ENPEP: variants seen among roughly 807,000 people sequenced by gnomAD.
ENPEP encodes the protein glutamyl aminopeptidase.
In ENPEP, 103 loss-of-function variants were observed where a neutral mutation model predicts 114.5. The ratio of observed to expected loss-of-function variants is 0.90; its 90% CI spans 0.77 to 1.06. The LOEUF (loss-of-function observed/expected upper bound fraction) is 1.06, where lower values mean the gene tolerates loss of function less well. Ranked by LOEUF, ENPEP falls within the 50% of genes least tolerant of loss-of-function variation. ENPEP has a pLI of 0.00. For synonymous variants in ENPEP, 420 were observed against 422.0 expected, an observed-to-expected ratio of 1.00 and a Z score of 0.06; for missense variants, 1,196 against 1,161.3, an observed-to-expected ratio of 1.03 and a Z score of -0.43.
chr4:110,478,322 A>G (rs1389142710), intron 1 of ENPEP, among the ~76,000 whole-genome samples: 1 of 152,190 alleles, frequency 6.6e-6, no homozygotes, highest in Non-Finnish European at 1.5e-5. Context: ...TATAGATCTT[A>G]TATCTTAATA....
intron 11 of ENPEP, among the ~76,000 whole-genome samples, chr4:110,536,339 A>G (rs781277515): frequency 3.3e-5 from 5 of 152,182 alleles, no homozygotes; most frequent in Non-Finnish European, 4.4e-5. Flanking sequence ...GCTCTCCACC[A>G]AATAATGACT....
At chr4:110,482,807 G>A (rs1042954672) in intron 1 of ENPEP, among the ~76,000 whole-genome samples, 5 of 152,240 alleles carry the variant, frequency 3.3e-5, no homozygotes, top group East Asian at 1.9e-4. Context: ...TCAGGAGTTC[G>A]AGAGCAGCCT....
At chr4:110,503,009 C>T (rs1161329056) in intron 3 of ENPEP, among the ~76,000 whole-genome samples, 1 of 152,078 alleles carries the variant, frequency 6.6e-6, no homozygotes, top group African/African-American at 2.4e-5. Context: ...CACCCATTAA[C>T]TCGTCATTTA....
At position 110,542,848 on chromosome 4, in the gene ENPEP, T is replaced by C. The variant is rs1272155976; in HGVS notation, c.1905T>C (p.Thr635=). The part of the protein sequence containing the change: ...GFYRVNYEVA[T]WDSIATALSL... ...ATCGTGTAAATTATGAAGTAGCAAC[T>C]TGGGACTCGATAGCTACAGCGCTCT... Residue 635 remains threonine, a synonymous_variant, in exon 12 of 20, where the codon ACT becomes ACC. Coordinates refer to ENST00000265162, the MANE Select transcript of ENPEP (RefSeq NM_001977.4). 2.5e-6 allele frequency: 4 copies of C among 1,613,218 alleles called. No individual in the cohort carries two copies. Among genetic ancestry groups the C allele is most frequent in the Admixed American group, 3.3e-5 (2 of 59,934 alleles).
At chr4:110,512,171 G>A (rs1725601027) in intron 6 of ENPEP, among the ~76,000 whole-genome samples, 1 of 152,178 alleles carries the variant, frequency 6.6e-6, no homozygotes, top group South Asian at 2.1e-4. Flanking sequence ...GTGGATGGAA[G>A]GGTCAGATAG....
chr4:110,496,687 T>C (rs1313631966), intron 3 of ENPEP, among the ~76,000 whole-genome samples: 1 of 152,244 alleles, frequency 6.6e-6, no homozygotes, highest in Non-Finnish European at 1.5e-5. Flanking sequence ...AGAGTACTGT[T>C]CAGGTATTTC....
At chr4:110,548,578 A>G (rs1451762057) in intron 14 of ENPEP, among the ~76,000 whole-genome samples, 7 of 152,088 alleles carry the variant, frequency 4.6e-5, no homozygotes, top group Admixed American at 4.6e-4. Context: ...AAGAAATACA[A>G]CAATTAATAT....
At chr4:110,480,133 C>T (rs1724255778) in intron 1 of ENPEP, among the ~76,000 whole-genome samples, 1 of 152,170 alleles carries the variant, frequency 6.6e-6, no homozygotes, top group South Asian at 2.1e-4. Context: ...TTGGTGTTCC[C>T]AAGTTTGTAT....
intron 8 of ENPEP, among the ~76,000 whole-genome samples, chr4:110,517,365 C>A (rs1725819818): frequency 6.6e-6 from 1 of 151,886 alleles, no homozygotes; most frequent in Non-Finnish European, 1.5e-5. Context: ...GAGTGAATAG[C>A]CTATAATAAA....
chr4:110,480,603 A>G (rs1009011387), intron 1 of ENPEP, among the ~76,000 whole-genome samples: 6 of 152,224 alleles, frequency 3.9e-5, no homozygotes, highest in Non-Finnish European at 7.3e-5. Context: ...GACAACCACA[A>G]TGCAAACTAA....
intron 13 of ENPEP, 134 bp from the exon 14 acceptor site, chr4:110,548,042 T>A: frequency 9.7e-7 from 1 of 1,035,558 alleles, no homozygotes. Context: ...ATTTCTTGAT[T>A]GTTGAATGGA....
In ENPEP at chr4:110,542,899, C is replaced by T. The variant is rs781086561; in HGVS notation, c.1944+12C>T. Reference sequence around the variant, plus strand: ...CCTTGAACCACAAGGTAAGAGATAGCAATGGTTGGAAACTTTTATTTTTGT... The same window carrying T: ...CCTTGAACCACAAGGTAAGAGATAGTAATGGTTGGAAACTTTTATTTTTGT... On this transcript the variant is annotated intron_variant, in intron 12 of 19. Transcript: ENST00000265162. The T allele has an allele frequency of 6.2e-7, 1 of 1,611,136 alleles. No individual in the cohort carries two copies. The highest frequency in any genetic ancestry group is 8.5e-7 in the Non-Finnish European group (1 of 1,178,870).
intron 11 of ENPEP, among the ~76,000 whole-genome samples, chr4:110,540,798 T>C (rs564948350): frequency 6.6e-6 from 1 of 152,306 alleles, no homozygotes; most frequent in East Asian, 1.9e-4. Context: ...AGCTACCATC[T>C]GTTGGATACG....
Position 110,490,606 on chromosome 4 carries a change from C to T in ENPEP, c.787-427C>T, listed in dbSNP as rs532001262. ...GGTGTTTGATGTAGACAACCAAAGACGGAAAAGAGAAGCCAATGTTCCGCT... is the reference window on the plus strand; with the variant it reads ...GGTGTTTGATGTAGACAACCAAAGATGGAAAAGAGAAGCCAATGTTCCGCT... On this transcript the variant is annotated intron_variant, in intron 2 of 19. Coordinates refer to ENST00000265162, the MANE Select transcript of ENPEP (RefSeq NM_001977.4). Among the ~76,000 whole-genome samples the T allele has an allele frequency of 3.9e-5, 6 of 152,218 alleles. No homozygotes were observed. The East Asian group carries it at 7.7e-4, about 20-fold the overall frequency.
chr4:110,531,772 C>G (rs113912948), intron 11 of ENPEP, among the ~76,000 whole-genome samples: 1 of 151,916 alleles, frequency 6.6e-6, no homozygotes, highest in East Asian at 1.9e-4. Context: ...AACCTTCTCA[C>G]GAAATTCCAG....
intron 3 of ENPEP, among the ~76,000 whole-genome samples, chr4:110,505,504 C>G (rs998975290): frequency 6.6e-6 from 1 of 152,188 alleles, no homozygotes; most frequent in Non-Finnish European, 1.5e-5. Flanking sequence ...ATTCGTGAAT[C>G]ATTCCAGTGT....
chr4:110,505,168 G>A (rs1019334438), intron 3 of ENPEP, among the ~76,000 whole-genome samples: 3 of 152,134 alleles, frequency 2.0e-5, no homozygotes, highest in Non-Finnish European at 4.4e-5. Context: ...CTGTTCAATG[G>A]CCAAAAACTG....
Position 110,477,049 on chromosome 4 carries a change from G to C in ENPEP, c.635G>C (p.Gly212Ala), listed in dbSNP as rs1427195542. 3 of 1,612,618 alleles carry C rather than the reference G, an allele frequency of 1.9e-6. No homozygotes were observed. The Admixed American group carries it at 5.0e-5, about 27-fold the overall frequency. Residue 212 changes from glycine to alanine, a missense_variant, in exon 1 of 20, where the codon GGA becomes GCA. Coordinates refer to ENST00000265162, the MANE Select transcript of ENPEP (RefSeq NM_001977.4). ...GFYRTTYTENGQVKSIVATDH... is the reference protein window; with the variant it reads ...GFYRTTYTENAQVKSIVATDH... ...TATAGAACCACCTACACGGAGAACGGACAAGTCAAGTAAATATTAATTTTT... is the reference window on the plus strand; with the variant it reads ...TATAGAACCACCTACACGGAGAACGCACAAGTCAAGTAAATATTAATTTTT...
At chr4:110,552,179 T>C (rs1232953485) in intron 17 of ENPEP, among the ~76,000 whole-genome samples, 1 of 152,174 alleles carries the variant, frequency 6.6e-6, no homozygotes, top group Non-Finnish European at 1.5e-5. Context: ...AACTCAGTCA[T>C]ATATTCACCT....
Sources: allele counts gnomAD v4.1 joint callset (sites outside exome capture counted in the v4.1 genomes callset), GRCh38; gene constraint gnomAD v4.1.1; transcripts MANE v1.5; gene names NCBI Gene and HGNC (gene_info 2026-07-23, HGNC 2026-07-21).